Variants in PIK3R4 observed in about 807,000 individuals in gnomAD.
PIK3R4 encodes phosphoinositide 3-kinase regulatory subunit 4.
In PIK3R4, 46 loss-of-function variants were observed where a neutral mutation model predicts 136.5. The ratio of observed to expected loss-of-function variants is 0.34; its 90% CI spans 0.27 to 0.43. The LOEUF (loss-of-function observed/expected upper bound fraction) is 0.43. Ranked by LOEUF, PIK3R4 falls within the 20% of genes least tolerant of loss-of-function variation. The pLI, the probability that PIK3R4 is intolerant of heterozygous loss-of-function variation, is 1.00. For missense variants in PIK3R4, 1,331 were observed against 1,649.5 expected, an observed-to-expected ratio of 0.81 and a Z score of 3.35; for synonymous variants, 557 against 566.7, an observed-to-expected ratio of 0.98 and a Z score of 0.24.
intron 7 of PIK3R4, among the ~76,000 whole-genome samples, chr3:130,720,601 C>A (rs1470564386): frequency 6.6e-6 from 1 of 152,176 alleles, no homozygotes; most frequent in East Asian, 1.9e-4. Flanking sequence ...CACCACCATT[C>A]TCTTTAAGAG....
chr3:130,738,885 G>T (rs1666209043), intron 2 of PIK3R4, among the ~76,000 whole-genome samples: 1 of 152,176 alleles, frequency 6.6e-6, no homozygotes, highest in African/African-American at 2.4e-5. Context: ...CAAAACAGAG[G>T]ATCCTTGAGT....
intron 16 of PIK3R4, among the ~76,000 whole-genome samples, chr3:130,683,952 C>A (rs920149904): frequency 6.6e-6 from 1 of 152,034 alleles, no homozygotes; most frequent in African/African-American, 2.4e-5. Context: ...AGGTTTCTAA[C>A]TTAGCTCTCT....
intron 8 of PIK3R4, among the ~76,000 whole-genome samples, chr3:130,718,116 C>T (rs1315145215): frequency 6.6e-6 from 1 of 152,126 alleles, no homozygotes; most frequent in African/African-American, 2.4e-5. Flanking sequence ...TCACTTTTAA[C>T]AGTTGCTTTA....
Position 130,730,431 on chromosome 3 carries a change from G to A in PIK3R4, c.1462C>T (p.Leu488=). 6.3e-7 allele frequency: 1 copy of A among 1,576,866 alleles called. No homozygotes were observed. Among genetic ancestry groups the A allele is most frequent in the Non-Finnish European group, 8.6e-7 (1 of 1,166,772 alleles). The part of the protein sequence containing the change: ...VRLAYAENIA[L]LAETALRFLE... ...AATCTCAGAGCTGTTTCTGCCAGCA[G>A]AGCTATGTTTTCTATAAAATAAAAA... is the stretch of plus-strand genomic sequence containing the variant. The change falls in exon 5 of 20, where the codon CTG becomes TTG. Residue 488 remains leucine, a synonymous_variant. Coordinates refer to ENST00000356763, the MANE Select transcript of PIK3R4 (RefSeq NM_014602.3).
rs760247242 is a variant in PIK3R4, at chr3:130,718,386, T to C, written c.2127+3A>G. 1 of 1,612,952 alleles carries C rather than the reference T, an allele frequency of 6.2e-7. No homozygotes were observed. The highest frequency in any genetic ancestry group is 1.1e-5 in the South Asian group (1 of 91,008). On this transcript the variant is annotated splice_donor_region_variant and intron_variant, in intron 8 of 19. Coordinates refer to ENST00000356763, the MANE Select transcript of PIK3R4 (RefSeq NM_014602.3). The stretch of plus-strand genomic sequence containing the variant: ...GACTGACTCCAACTTGGAACATGTA[T>C]ACCTGTATTATTGGTTGGGTAATAT...
At chr3:130,744,393 T>G (rs751527048) in intron 2 of PIK3R4, 93 bp downstream of exon 2, 85 of 1,365,290 alleles carry the variant, frequency 6.2e-5, no homozygotes, top group Non-Finnish European at 8.0e-5. Context: ...ACATTAACTT[T>G]TCAATATCTG....
intron 14 of PIK3R4, among the ~76,000 whole-genome samples, chr3:130,688,589 A>C (rs1301751911): frequency 6.6e-6 from 1 of 152,214 alleles, no homozygotes; most frequent in Non-Finnish European, 1.5e-5. Context: ...AAGATTCATC[A>C]ATGTTGTTGC....
At position 130,679,433 on chromosome 3, in the gene PIK3R4, C is replaced by T. The variant is rs538802327; in HGVS notation, c.3959G>A (p.Gly1320Asp). ...VGPSDDTPRR[G>D]PESLPVGHHD... ...ATGTCCCACGGGCAGGGACTCTGGG[C>T]CCCTTCGAGGGGTGTCATCACTTGG... The change falls in exon 20 of 20, where the codon GGC (glycine) becomes GAC (aspartate). Residue 1320 changes from glycine (G) to aspartate (D), a missense_variant. By Grantham distance (94) the Gly-to-Asp change is moderately conservative. Coordinates refer to ENST00000356763, the MANE Select transcript of PIK3R4 (RefSeq NM_014602.3). The T allele has an allele frequency of 2.7e-5, 43 of 1,612,856 alleles. No individual in the cohort carries two copies. In the East Asian group the frequency reaches 9.4e-4, roughly 35 times the overall value.
chr3:130,739,134 T>C (rs1455897819), intron 2 of PIK3R4, among the ~76,000 whole-genome samples: 8 of 152,256 alleles, frequency 5.3e-5, no homozygotes, highest in African/African-American at 1.9e-4. Context: ...CGGACTGCAG[T>C]GGCGCTATCT....
intron 9 of PIK3R4, 91 bp downstream of exon 9, chr3:130,716,301 TAATC>T (rs1272003265): frequency 6.3e-6 from 6 of 954,160 alleles, no homozygotes; most frequent in African/African-American, 3.3e-5. Context: ...TGATGTAATC[TAATC>T]AATCAAAAAC....
intron 6 of PIK3R4, among the ~76,000 whole-genome samples, chr3:130,725,036 G>C (rs2066723677): frequency 6.6e-6 from 1 of 151,670 alleles, no homozygotes; most frequent in Non-Finnish European, 1.5e-5. Context: ...TTTCCTTTAT[G>C]ATTAAAAAAT....
intron 13 of PIK3R4, among the ~76,000 whole-genome samples, chr3:130,699,676 AAC>A (rs1295093974): frequency 6.6e-6 from 1 of 152,156 alleles, no homozygotes; most frequent in African/African-American, 2.4e-5. Context: ...TTTATGGAGG[AAC>A]AGATTTTTGG....
intron 13 of PIK3R4, among the ~76,000 whole-genome samples, chr3:130,693,477 T>C (rs138554691): frequency 6.6e-6 from 1 of 152,320 alleles, no homozygotes; most frequent in Admixed American, 6.5e-5. Context: ...CTGCCTTTTT[T>C]ACTATAGCCA....
At chr3:130,681,777 G>A (rs1264195067) in intron 16 of PIK3R4, among the ~76,000 whole-genome samples, 186 bp from the exon 17 acceptor site, 4 of 152,072 alleles carry the variant, frequency 2.6e-5, no homozygotes, top group Non-Finnish European at 5.9e-5. Context: ...TTTTTACTAT[G>A]GGCTAGTCAC....
intron 13 of PIK3R4, among the ~76,000 whole-genome samples, chr3:130,693,361 C>T (rs1430923630): frequency 6.6e-6 from 1 of 152,124 alleles, no homozygotes; most frequent in Admixed American, 6.5e-5. Flanking sequence ...CTATGTCTAC[C>T]GTTTTGAAAG....
intron 6 of PIK3R4, 39 bp downstream of exon 6, chr3:130,728,424 A>AT (rs1265141341): frequency 7.7e-7 from 1 of 1,297,440 alleles, no homozygotes; most frequent in Non-Finnish European, 1.1e-6. Context: ...TGAGAGGATG[A>AT]TTAAAAATCT....
rs769162775 is a variant in PIK3R4, at chr3:130,679,297, T to C, written c.*18A>G. ...TATTATATTTATAACTATTAAAATTTATACAAATCAGTAGGTTTTATTTCC... is the reference window on the plus strand; with the variant it reads ...TATTATATTTATAACTATTAAAATTCATACAAATCAGTAGGTTTTATTTCC... On this transcript the variant is annotated 3_prime_UTR_variant, in exon 20 of 20. Transcript: ENST00000356763. 2 of 1,479,436 alleles carry C rather than the reference T, an allele frequency of 1.4e-6. No homozygotes were observed. Among genetic ancestry groups the C allele is most frequent in the South Asian group, 2.5e-5 (2 of 78,864 alleles). The allele number at this position is 1,479,436 out of a possible 1,614,324, so 91.6% of individuals were successfully genotyped here.
chr3:130,711,051 T>G (rs944826561), intron 9 of PIK3R4, among the ~76,000 whole-genome samples: 1 of 152,024 alleles, frequency 6.6e-6, no homozygotes, highest in African/African-American at 2.4e-5. Context: ...AGATGTTTTT[T>G]TCTACCAAAG....
At position 130,734,033 on chromosome 3, in the gene PIK3R4, G is replaced by T. The variant is rs766526932; in HGVS notation, c.965C>A (p.Thr322Asn). ...CTGGGCCATGTAGGGCTGAAGAAAA[G>T]TGTAAAATATTTCAGGAAAGGCATT... ...RGNAFPEIFYTFLQPYMAQFA... is the reference protein window; with the variant it reads ...RGNAFPEIFYNFLQPYMAQFA... The change falls in exon 4 of 20, where the codon ACT becomes AAT. Residue 322 changes from threonine to asparagine, a missense_variant. Thr to Asn is a moderately conservative substitution (Grantham distance 65, BLOSUM62 0). This residue lies in a region of PIK3R4 where 1,180 missense variants were observed against 1,407.0 expected (regional missense o/e 0.84). Coordinates refer to ENST00000356763, the MANE Select transcript of PIK3R4 (RefSeq NM_014602.3). 2 of 1,614,022 alleles carry T rather than the reference G, an allele frequency of 1.2e-6. No individual in the cohort carries two copies. Among genetic ancestry groups the T allele is most frequent in the Non-Finnish European group, 1.7e-6 (2 of 1,179,992 alleles).
Sources: allele counts gnomAD v4.1 joint callset (sites outside exome capture counted in the v4.1 genomes callset), GRCh38; gene constraint gnomAD v4.1.1; regional missense constraint gnomAD v4.1.1; transcripts MANE v1.5; gene names NCBI Gene and HGNC (gene_info 2026-07-23, HGNC 2026-07-21).